The following IL1RAPL1 variants were observed in gnomAD, a reference collection of about 807,000 sequenced individuals.
The protein encoded by IL1RAPL1 is interleukin-1 receptor accessory protein-like 1.
A neutral mutation model predicts 48.4 loss-of-function variants in IL1RAPL1; 3 were observed. The ratio of observed to expected loss-of-function variants is 0.06; its 90% CI spans 0.03 to 0.16. IL1RAPL1 has a LOEUF of 0.16. IL1RAPL1 is among the 10% of genes least tolerant of loss of function. IL1RAPL1 has a pLI of 1.00. For missense variants in IL1RAPL1, 349 were observed against 530.6 expected (o/e 0.66, Z 3.36); for synonymous variants, 185 against 187.7 (o/e 0.99, Z 0.12).
At chrX:28,999,991 C>T (rs1356734117) in intron 2 of IL1RAPL1, among the ~76,000 whole-genome samples, 11 of 111,425 alleles carry the variant, frequency 9.9e-5, no homozygotes. Context: ...AAATTAGATT[C>T]CTTGTAAGCC....
At chrX:28,854,334 GATCATCA>G (rs745709939) in intron 2 of IL1RAPL1, among the ~76,000 whole-genome samples, 10 of 111,577 alleles carry the variant, frequency 9.0e-5, no homozygotes, top group Non-Finnish European at 1.9e-4. Flanking sequence ...AACAGGATTT[GATCATCA>G]ATTGGACTTC....
chrX:29,588,855 T>C (rs1425340531), intron 5 of IL1RAPL1, among the ~76,000 whole-genome samples: 5 of 112,037 alleles, frequency 4.5e-5, no homozygotes, highest in Non-Finnish European at 9.4e-5. Context: ...AATAGAACAC[T>C]TCTATATGTT....
At chrX:29,807,264 CT>C (rs1431353893) in intron 6 of IL1RAPL1, among the ~76,000 whole-genome samples, 44 of 109,243 alleles carry the variant, frequency 4.0e-4, no homozygotes, top group African/African-American at 1.4e-3. Context: ...AATGAGAAAG[CT>C]ATTGGTTAAT....
chrX:29,755,649 A>G (rs1928592519), intron 6 of IL1RAPL1, among the ~76,000 whole-genome samples: 1 of 112,453 alleles, frequency 8.9e-6, no homozygotes, highest in Admixed American at 9.5e-5. Flanking sequence ...TTGAATAATA[A>G]TTGTTTAAAG....
At chrX:29,419,675 G>A (rs1005419076) in intron 5 of IL1RAPL1, among the ~76,000 whole-genome samples, 1 of 112,472 alleles carries the variant, frequency 8.9e-6, no homozygotes, top group Non-Finnish European at 1.9e-5. Flanking sequence ...AACATTCAGA[G>A]TTCTAGAGCA....
chrX:29,704,817 A>G (rs1927149741), intron 6 of IL1RAPL1, among the ~76,000 whole-genome samples: 1 of 112,428 alleles, frequency 8.9e-6, no homozygotes, highest in Non-Finnish European at 1.9e-5. Flanking sequence ...ATTATATATT[A>G]CATTGTCTTA....
chrX:29,184,797 AC>A (rs1337558282), intron 2 of IL1RAPL1, among the ~76,000 whole-genome samples: 1 of 112,038 alleles, frequency 8.9e-6, no homozygotes, highest in African/African-American at 3.2e-5. Context: ...CACCGCACCC[AC>A]CCACATTATG....
chrX:28,905,860 G>T (rs1328504013), intron 2 of IL1RAPL1, among the ~76,000 whole-genome samples: 3 of 111,770 alleles, frequency 2.7e-5, no homozygotes, highest in Admixed American at 1.9e-4. Context: ...CTTAGTAAGA[G>T]AAAGAAGGCC....
At chrX:28,991,812 T>G (rs983758240) in intron 2 of IL1RAPL1, among the ~76,000 whole-genome samples, 5 of 112,729 alleles carry the variant, frequency 4.4e-5, no homozygotes, top group Non-Finnish European at 9.4e-5. Context: ...TACCATATTA[T>G]GCACAGGTAG....
At chrX:29,894,503 T>A (rs1242267085) in intron 6 of IL1RAPL1, among the ~76,000 whole-genome samples, 5 of 112,354 alleles carry the variant, frequency 4.5e-5, no homozygotes, top group African/African-American at 1.3e-4. Context: ...AGATAAATCA[T>A]CAACGTTTTA....
intron 5 of IL1RAPL1, among the ~76,000 whole-genome samples, chrX:29,570,107 T>C (rs1012342071): frequency 8.9e-6 from 1 of 112,233 alleles, no homozygotes; most frequent in African/African-American, 3.2e-5. Context: ...GGATGCATTC[T>C]TAATAAAAGA....
At chrX:29,171,193 C>T (rs943929709) in intron 2 of IL1RAPL1, among the ~76,000 whole-genome samples, 4 of 111,470 alleles carry the variant, frequency 3.6e-5, no homozygotes, top group Non-Finnish European at 7.5e-5. Context: ...GACAGGGTTT[C>T]ACCATATTGG....
chrX:28,841,635 A>G (rs967336036), intron 2 of IL1RAPL1, among the ~76,000 whole-genome samples: 10 of 110,834 alleles, frequency 9.0e-5, no homozygotes, highest in African/African-American at 3.3e-4. Flanking sequence ...TTTGGTACAC[A>G]TCATAATTGC....
At chrX:29,688,247 C>T (rs1926679241) in intron 6 of IL1RAPL1, among the ~76,000 whole-genome samples, 1 of 111,633 alleles carries the variant, frequency 9.0e-6, no homozygotes, top group South Asian at 3.8e-4. Context: ...GGGCTGAAAC[C>T]CCTCAGGAGG....
intron 2 of IL1RAPL1, among the ~76,000 whole-genome samples, chrX:28,988,789 A>C (rs763176102): frequency 8.9e-6 from 1 of 112,205 alleles, no homozygotes; most frequent in African/African-American, 3.2e-5. Context: ...CAAGATGGAG[A>C]TATTGATATT....
intron 2 of IL1RAPL1, among the ~76,000 whole-genome samples, chrX:28,871,080 A>G (rs1280791414): frequency 1.8e-5 from 2 of 112,051 alleles, no homozygotes; most frequent in Non-Finnish European, 3.8e-5. Context: ...GTAAAGGTTT[A>G]TTATGGTTTT....
chrX:28,774,322 AT>A (rs1936339439), intron 1 of IL1RAPL1, among the ~76,000 whole-genome samples: 1 of 111,619 alleles, frequency 9.0e-6, no homozygotes, highest in African/African-American at 3.3e-5. Context: ...TAGTGTCTTA[AT>A]AACATCTATT....
intron 1 of IL1RAPL1, among the ~76,000 whole-genome samples, chrX:28,719,853 G>A (rs1211108144): frequency 9.0e-6 from 1 of 111,101 alleles, no homozygotes; most frequent in Non-Finnish European, 1.9e-5. Context: ...CAGCACACAG[G>A]AATGGGGGAT....
chrX:28,942,470 G>A (rs931400112), intron 2 of IL1RAPL1: 6 of 107,704 alleles, frequency 5.6e-5, no homozygotes, highest in Admixed American at 1.0e-4. Flanking sequence ...GAAAATAAGC[G>A]AGCCCATATT....
Sources: gnomAD v4.1 joint callset for allele counts (sites outside exome capture counted in the v4.1 genomes callset) on GRCh38, gnomAD v4.1.1 for gene constraint, MANE v1.5 for transcripts, NCBI Gene and HGNC (gene_info 2026-07-23, HGNC 2026-07-21) for gene names.